The following SEZ6 variants were observed in gnomAD, a reference collection of about 807,000 sequenced individuals.
The protein encoded by SEZ6 is seizure protein 6 homolog.
Under a neutral mutation model 101.0 loss-of-function variants are expected in SEZ6, and 53 were observed. That is an observed-to-expected ratio of 0.52 (90% confidence interval 0.42 to 0.66). SEZ6 has a LOEUF of 0.66. Among genes scored for constraint, SEZ6 ranks in the 30% least tolerant of loss-of-function variants. The probability of loss-of-function intolerance (pLI) is 0.00; values close to 1 mark genes in which losing one functional copy is unlikely to be tolerated. For synonymous variants in SEZ6, 488 were observed against 512.2 expected (o/e 0.95, Z 0.64); for missense variants, 1,102 against 1,289.4 (o/e 0.85, Z 2.23).
At chr17:28,980,392 CAG>C (rs896371614) in intron 2 of SEZ6, among the ~76,000 whole-genome samples, 1 of 146,196 alleles carries the variant, frequency 6.8e-6, no homozygotes, top group African/African-American at 2.5e-5. Flanking sequence ...TTTTTTGAGA[CAG>C]AGTCTCGCTC....
At chr17:28,998,321 G>A (rs910473139) in intron 1 of SEZ6, among the ~76,000 whole-genome samples, 5 of 151,960 alleles carry the variant, frequency 3.3e-5, no homozygotes, top group African/African-American at 1.2e-4. Context: ...AGGGGCTTGA[G>A]GGTAGAGAGA....
intron 3 of SEZ6, among the ~76,000 whole-genome samples, chr17:28,976,828 C>A (rs923468854): frequency 6.6e-6 from 1 of 152,212 alleles, no homozygotes; most frequent in African/African-American, 2.4e-5. Flanking sequence ...CCAGACTTGG[C>A]TGCTGGCTTC....
Position 28,981,883 on chromosome 17 carries a change from G to A in SEZ6, c.212C>T (p.Pro71Leu), listed in dbSNP as rs537444475. ...APTLKLLNHH[P>L]LLEEFLQEGL... Reference sequence around the variant, plus strand: ...CTCTTGTAGGAATTCCTCAAGCAGCGGGTGGTGGTTGAGCAGCTTCAAGGT... The same window carrying A: ...CTCTTGTAGGAATTCCTCAAGCAGCAGGTGGTGGTTGAGCAGCTTCAAGGT... Residue 71 changes from proline (P) to leucine (L), a missense_variant, in exon 2 of 17, where the codon CCG becomes CTG. This residue lies in a region of SEZ6 where 406 missense variants were observed against 418.6 expected (regional missense o/e 0.97). Coordinates refer to ENST00000317338, the MANE Select transcript of SEZ6 (RefSeq NM_178860.5). 15 of 1,613,928 alleles carry A rather than the reference G, an allele frequency of 9.3e-6. No individual in the cohort carries two copies. Among genetic ancestry groups the A allele is most frequent in the Admixed American group, 5.0e-5 (3 of 60,018 alleles).
chr17:28,967,973 A>T (rs1041099704), intron 4 of SEZ6, among the ~76,000 whole-genome samples: 1 of 152,078 alleles, frequency 6.6e-6, no homozygotes, highest in Non-Finnish European at 1.5e-5. Context: ...AGGATGCAGG[A>T]GGGGGATGTC....
chr17:29,005,889 C>A lies in SEZ6; in HGVS notation c.-20G>T. ...GCGCATGGTGCTGGTTGCGGCCGCG[C>A]CCTGGGCTGGGACCGCGGCGGGAGG... On this transcript the variant is annotated 5_prime_UTR_variant, in exon 1 of 17. Transcript: ENST00000317338. The surrounding 1 kb of genome is among the most constrained non-coding windows in gnomAD (Gnocchi z 4.8). 1 of 1,442,788 alleles carries A rather than the reference C, an allele frequency of 6.9e-7. No individual in the cohort carries two copies. Among genetic ancestry groups the A allele is most frequent in the Non-Finnish European group, 9.1e-7 (1 of 1,095,496 alleles). The allele number at this position is 1,442,788 out of a possible 1,614,324, so 89.4% of individuals were successfully genotyped here.
At chr17:28,970,811 A>G (rs16964692) in intron 3 of SEZ6, among the ~76,000 whole-genome samples, 18,652 of 152,180 alleles carry the variant, frequency 0.12, 1,156 homozygotes, top group Middle Eastern at 0.14. Flanking sequence ...TGTGAAGCCG[A>G]TAATATGTAG....
chr17:28,966,348 T>C (rs1372603421), intron 4 of SEZ6, among the ~76,000 whole-genome samples: 2 of 147,324 alleles, frequency 1.4e-5, no homozygotes, highest in Non-Finnish European at 3.0e-5. Flanking sequence ...CTGGGCATGG[T>C]GGCACGCGCC....
intron 4 of SEZ6, among the ~76,000 whole-genome samples, chr17:28,968,005 C>A (rs573734242): frequency 6.6e-6 from 1 of 150,742 alleles, no homozygotes; most frequent in South Asian, 2.1e-4. Context: ...TCTGCCTCCC[C>A]ACCCTGCCTG....
At chr17:28,963,412 C>T (rs1342642555) in intron 5 of SEZ6, among the ~76,000 whole-genome samples, 1 of 152,186 alleles carries the variant, frequency 6.6e-6, no homozygotes, top group Non-Finnish European at 1.5e-5. Flanking sequence ...GCTTCAACAG[C>T]TCCTCAGCCT....
chr17:28,996,189 G>A (rs990221323), intron 1 of SEZ6, among the ~76,000 whole-genome samples: 3 of 151,788 alleles, frequency 2.0e-5, no homozygotes, highest in African/African-American at 7.3e-5. Flanking sequence ...ATTAGCTCCA[G>A]CCTTATTTCC....
intron 3 of SEZ6, 112 bp from the exon 4 acceptor site, chr17:28,970,064 C>T: frequency 1.0e-6 from 1 of 986,752 alleles, no homozygotes; most frequent in Non-Finnish European, 1.4e-6. Flanking sequence ...CTCAATGCTA[C>T]TTGAGCATCG....
intron 4 of SEZ6, among the ~76,000 whole-genome samples, chr17:28,964,580 T>C (rs2041033875): frequency 6.6e-6 from 1 of 152,236 alleles, no homozygotes; most frequent in Admixed American, 6.5e-5. Context: ...GAATGACTCG[T>C]AGACATGAAA....
chr17:28,986,972 C>T (rs534976156), intron 1 of SEZ6, among the ~76,000 whole-genome samples: 259 of 152,318 alleles, frequency 1.7e-3, no homozygotes, highest in Middle Eastern at 3.4e-3. Flanking sequence ...TGGGCAGTCA[C>T]GGGAACCAAA....
intron 1 of SEZ6, among the ~76,000 whole-genome samples, chr17:28,994,369 AG>A (rs944312772): frequency 2.0e-5 from 3 of 151,976 alleles, no homozygotes; most frequent in Admixed American, 2.0e-4. Context: ...TCTGCCGCCC[AG>A]GTTCAAGCGA....
intron 10 of SEZ6, 63 bp downstream of exon 10, chr17:28,958,962 C>G (rs1281496082): frequency 3.3e-6 from 5 of 1,534,262 alleles, no homozygotes; most frequent in South Asian, 1.3e-5. Flanking sequence ...CCTCACTGCC[C>G]TAGCCTCTTT....
chr17:28,981,765 C>T lies in SEZ6; in HGVS notation c.330G>A (p.Leu110=). The T allele has an allele frequency of 1.9e-6, 3 of 1,611,546 alleles. No individual in the cohort carries two copies. Among genetic ancestry groups the T allele is most frequent in the Non-Finnish European group, 2.5e-6 (3 of 1,178,006 alleles). Residue 110 remains leucine, a synonymous_variant, in exon 2 of 17, where the codon CTG becomes CTA. Transcript: ENST00000317338. ...APFTPSPLPR[L]ANQDSRPVFT... ...AGACAGGGCGGCTGTCCTGGTTGGC[C>T]AGGCGGGGAAGGGGACTTGGGGTGA...
At chr17:28,958,188 G>A in intron 10 of SEZ6, 47 bp from the exon 11 acceptor site, 1 of 1,548,202 alleles carries the variant, frequency 6.5e-7, no homozygotes, top group Admixed American at 1.8e-5. Context: ...CAGCACCAAA[G>A]TGACTGTCCC....
At chr17:28,965,224 C>T (rs1368399028) in intron 4 of SEZ6, among the ~76,000 whole-genome samples, 1 of 136,750 alleles carries the variant, frequency 7.3e-6, no homozygotes, top group Non-Finnish European at 1.6e-5. Context: ...TGATGGCAGG[C>T]GCCTGTAATC....
intron 4 of SEZ6, among the ~76,000 whole-genome samples, chr17:28,966,057 C>T (rs1375225472): frequency 2.0e-5 from 3 of 151,478 alleles, no homozygotes; most frequent in Non-Finnish European, 2.9e-5. Flanking sequence ...GCAGGAGAAT[C>T]GCTTGGACCG....
Sources: allele counts gnomAD v4.1 joint callset (sites outside exome capture counted in the v4.1 genomes callset), GRCh38; gene constraint gnomAD v4.1.1; regional missense constraint gnomAD v4.1.1; non-coding constraint Gnocchi (gnomAD v3.1); transcripts MANE v1.5; gene names NCBI Gene and HGNC (gene_info 2026-07-23, HGNC 2026-07-21).